Variants in MAGI1 observed in about 807,000 individuals in gnomAD.
The protein encoded by MAGI1 is membrane-associated guanylate kinase, WW and PDZ domain-containing protein 1.
Under a neutral mutation model 139.9 loss-of-function variants are expected in MAGI1, and 58 were observed. The observed-to-expected ratio is 0.41, with a 90% CI of 0.34 to 0.52. The LOEUF (loss-of-function observed/expected upper bound fraction) is 0.52. MAGI1 is among the 20% of genes least tolerant of loss of function. MAGI1 has a pLI of 0.12. For missense variants in MAGI1, 1,874 were observed against 1,901.6 expected (o/e 0.99, Z 0.27); for synonymous variants, 812 against 737.9 (o/e 1.10, Z -1.63).
intron 21 of MAGI1, 151 bp from the exon 22 acceptor site, chr3:65,361,488 A>G: frequency 1.5e-6 from 1 of 685,672 alleles, no homozygotes; most frequent in Non-Finnish European, 2.4e-6. Flanking sequence ...ATTATATTCT[A>G]AAGAGGGAAA....
In MAGI1 at chr3:66,011,296, C is replaced by T. The variant is rs1167479029; in HGVS notation, c.313+26700G>A. Among the ~76,000 whole-genome samples, 4 of 152,164 alleles carry T rather than the reference C, an allele frequency of 2.6e-5. No homozygotes were observed. The East Asian group carries it at 7.7e-4, about 29-fold the overall frequency. The stretch of plus-strand genomic sequence containing the variant: ...CTTTTCTCGACAACAAACGTTGCAA[C>T]AGTCCTAGAGCGACGAAAAGATAGG... On this transcript the variant is annotated intron_variant, in intron 1 of 22. Transcript: ENST00000402939.
At chr3:65,607,752 A>C (rs1342349882) in intron 2 of MAGI1, among the ~76,000 whole-genome samples, 1 of 152,116 alleles carries the variant, frequency 6.6e-6, no homozygotes, top group Non-Finnish European at 1.5e-5. Context: ...TCACAAGAAA[A>C]ATTTCTTAGG....
intron 1 of MAGI1, among the ~76,000 whole-genome samples, chr3:65,976,503 C>G (rs1379251363): frequency 6.6e-6 from 1 of 152,008 alleles, no homozygotes; most frequent in African/African-American, 2.4e-5. Flanking sequence ...TGGTGGTGTG[C>G]TCCTGTAATC....
intron 3 of MAGI1, among the ~76,000 whole-genome samples, chr3:65,484,138 A>C (rs946598174): frequency 9.2e-5 from 14 of 152,238 alleles, no homozygotes; most frequent in Non-Finnish European, 1.5e-4. Flanking sequence ...CAAACAATTA[A>C]ATTACATTAA....
chr3:65,503,397 A>G (rs1576057825), intron 2 of MAGI1, among the ~76,000 whole-genome samples: 1 of 152,202 alleles, frequency 6.6e-6, no homozygotes, highest in African/African-American at 2.4e-5. Context: ...TCCTTTCTAG[A>G]AGCACCATTT....
chr3:65,784,097 T>C (rs1241836931), intron 1 of MAGI1, among the ~76,000 whole-genome samples: 1 of 151,312 alleles, frequency 6.6e-6, no homozygotes, highest in African/African-American at 2.4e-5. Context: ...CACTCCAGCC[T>C]GGGCAACAGA....
chr3:65,734,460 GA>G (rs749370907), intron 1 of MAGI1, among the ~76,000 whole-genome samples: 1,648 of 109,298 alleles, frequency 0.015, 27 homozygotes, highest in African/African-American at 0.046. Context: ...ACCCTGTCAA[GA>G]AAAAAAAAAA....
rs1417705439 is a variant in MAGI1, at chr3:65,375,626, A to G, written c.3196+119T>C. On this transcript the variant is annotated intron_variant, in intron 18 of 22. Coordinates refer to ENST00000402939, the MANE Select transcript of MAGI1 (RefSeq NM_001033057.2). ...GTTAGGGATGAATAAAGCTGCCACT[A>G]AATTAATACTATTCAGTTACACGAA... The G allele has an allele frequency of 6.8e-6, 6 of 879,664 alleles. No individual in the cohort carries two copies. The East Asian group carries it at 1.2e-4, about 18-fold the overall frequency. The allele number at this position is 879,664 out of a possible 1,614,324, so 54.5% of individuals were successfully genotyped here.
chr3:65,437,314 C>A (rs1947924281), intron 9 of MAGI1, 67 bp from the exon 10 acceptor site: 3 of 999,126 alleles, frequency 3.0e-6, no homozygotes, highest in African/African-American at 3.2e-5. Context: ...TTATGATTCA[C>A]CTTATTATTA....
chr3:65,745,438 C>G (rs1052787637), intron 1 of MAGI1, among the ~76,000 whole-genome samples: 3 of 152,140 alleles, frequency 2.0e-5, no homozygotes, highest in African/African-American at 7.2e-5. Flanking sequence ...AATCCACTGA[C>G]AAAAATACAG....
intron 3 of MAGI1, among the ~76,000 whole-genome samples, chr3:65,480,366 C>CT (rs1419871581): frequency 6.6e-6 from 1 of 151,834 alleles, no homozygotes; most frequent in Non-Finnish European, 1.5e-5. Context: ...AATCCTGTCT[C>CT]TAAAAAATAT....
rs76574960 is a variant in MAGI1, at chr3:65,968,541, C to T, written c.313+69455G>A. On this transcript the variant is annotated intron_variant, in intron 1 of 22. Coordinates refer to ENST00000402939, the MANE Select transcript of MAGI1 (RefSeq NM_001033057.2). ...AAAACAAGGAGCAGAAACTCATATA[C>T]ACATATCATTTTTAAAATAAGGTGT... 8.9e-3 allele frequency among the ~76,000 whole-genome samples: 1,348 copies of T among 151,814 alleles called. 21 individuals are homozygous for T. The highest frequency in any genetic ancestry group is 0.031 in the African/African-American group (1,282 of 41,434).
intron 1 of MAGI1, among the ~76,000 whole-genome samples, chr3:66,029,225 G>A (rs944117950): frequency 1.3e-5 from 2 of 152,144 alleles, no homozygotes; most frequent in African/African-American, 2.4e-5. Flanking sequence ...ATCATTTTAT[G>A]AGCAGTACTA....
rs564485906 is a variant in MAGI1 at position 65,624,022 on chromosome 3, G to T, written c.314-1934C>A. Among the ~76,000 whole-genome samples the T allele has an allele frequency of 1.2e-4, 18 of 152,228 alleles. No individual in the cohort carries two copies. The South Asian group carries it at 3.7e-3, about 32-fold the overall frequency. On this transcript the variant is annotated intron_variant, in intron 1 of 22. Transcript: ENST00000402939. Reference sequence around the variant, plus strand: ...TATGTGACTATTAAGCATATAAAAAGATGTTAGACATCATTAGTCATTAGA... The same window carrying T: ...TATGTGACTATTAAGCATATAAAAATATGTTAGACATCATTAGTCATTAGA...
chr3:65,578,207 C>A (rs1043846782), intron 2 of MAGI1, among the ~76,000 whole-genome samples: 1 of 152,210 alleles, frequency 6.6e-6, no homozygotes, highest in Admixed American at 6.5e-5. Context: ...TACCATGTTG[C>A]TTCCCATAAA....
At chr3:65,984,512 A>ATGTGTGTGTGTG (rs34046056) in intron 1 of MAGI1, among the ~76,000 whole-genome samples, 2,895 of 140,426 alleles carry the variant, frequency 0.021, 44 homozygotes, top group Middle Eastern at 0.036. Context: ...TCAAAATAAA[A>ATGTGTGTGTGTG]TGTGTGTGTG....
rs188584872 is a variant in MAGI1 at position 65,780,339 on chromosome 3, A to G, written c.314-158251T>C. ...ACGCCCAGCCTATGCTGTCATCTTA[A>G]GATATACTGATTAATTTCAGTCAAT... On this transcript the variant is annotated intron_variant, in intron 1 of 22. Transcript: ENST00000402939. 2.5e-4 allele frequency among the ~76,000 whole-genome samples: 38 copies of G among 152,326 alleles called. 1 individual carries two copies. In the East Asian group the frequency reaches 5.6e-3, roughly 22 times the overall value.
chr3:65,865,882 C>T (rs1352219505), intron 1 of MAGI1, among the ~76,000 whole-genome samples: 1 of 152,146 alleles, frequency 6.6e-6, no homozygotes. Flanking sequence ...TCAGGTGATC[C>T]ACCCACCTCA....
intron 1 of MAGI1, among the ~76,000 whole-genome samples, chr3:65,775,967 T>C (rs1384141384): frequency 6.6e-6 from 1 of 151,662 alleles, no homozygotes; most frequent in Non-Finnish European, 1.5e-5. Context: ...AAGTTTCTAA[T>C]TATTCTTTGA....
Sources: gnomAD v4.1 joint callset for allele counts (sites outside exome capture counted in the v4.1 genomes callset) on GRCh38, gnomAD v4.1.1 for gene constraint, MANE v1.5 for transcripts, NCBI Gene and HGNC (gene_info 2026-07-23, HGNC 2026-07-21) for gene names.